The following BICC1 variants were observed in gnomAD, a reference collection of about 807,000 sequenced individuals.
BICC1 encodes BicC family RNA binding protein 1.
A neutral mutation model predicts 111.0 loss-of-function variants in BICC1; 43 were observed. That is an observed-to-expected ratio of 0.39 (90% CI 0.30 to 0.50). The LOEUF (loss-of-function observed/expected upper bound fraction) is 0.50. BICC1 is among the 20% of genes least tolerant of loss of function. The pLI is 0.88. For missense variants in BICC1, 1,091 were observed against 1,203.2 expected, an observed-to-expected ratio of 0.91 and a Z score of 1.38; for synonymous variants, 467 against 434.4, an observed-to-expected ratio of 1.07 and a Z score of -0.93.
chr10:58,573,999 G>A (rs539467639), intron 1 of BICC1, among the ~76,000 whole-genome samples: 21 of 152,170 alleles, frequency 1.4e-4, no homozygotes, highest in African/African-American at 4.8e-4. Flanking sequence ...AACTAACAAA[G>A]CCTCCGTTGT....
At chr10:58,783,037 G>A (rs1302726631) in intron 3 of BICC1, among the ~76,000 whole-genome samples, 1 of 152,086 alleles carries the variant, frequency 6.6e-6, no homozygotes, top group African/African-American at 2.4e-5. Flanking sequence ...TTGCTGTTAG[G>A]CCCCTCATTT....
At chr10:58,616,399 A>C (rs1443228623) in intron 1 of BICC1, among the ~76,000 whole-genome samples, 1 of 152,222 alleles carries the variant, frequency 6.6e-6, no homozygotes, top group Non-Finnish European at 1.5e-5. Context: ...GCAATTCCAG[A>C]AAATGCCCCA....
chr10:58,808,585 G>A (rs1418001643), intron 17 of BICC1, among the ~76,000 whole-genome samples: 1 of 152,182 alleles, frequency 6.6e-6, no homozygotes, highest in Non-Finnish European at 1.5e-5. Context: ...CCTCTGACCA[G>A]ATGTATAGCT....
At chr10:58,671,590 G>A (rs1564544450) in intron 2 of BICC1, among the ~76,000 whole-genome samples, 1 of 152,098 alleles carries the variant, frequency 6.6e-6, no homozygotes. Flanking sequence ...TAAAAATGGG[G>A]TTCCAATTGG....
chr10:58,828,611 A>G, intron 20 of BICC1, 150 bp from the exon 21 acceptor site: 1 of 672,626 alleles, frequency 1.5e-6, no homozygotes, highest in Non-Finnish European at 2.4e-6. Context: ...AAATGCCTTG[A>G]CCATCAACTA....
At chr10:58,762,624 C>G (rs770768849) in intron 3 of BICC1, among the ~76,000 whole-genome samples, 30 of 151,788 alleles carry the variant, frequency 2.0e-4, no homozygotes, top group Non-Finnish European at 3.7e-4. Flanking sequence ...GAATATCCAG[C>G]CTGTATGCTT....
chr10:58,628,116 A>C (rs1330350124), intron 2 of BICC1, among the ~76,000 whole-genome samples: 1 of 152,158 alleles, frequency 6.6e-6, no homozygotes, highest in African/African-American at 2.4e-5. Context: ...CGTGACTCTC[A>C]GTGGTGAGAT....
chr10:58,726,660 C>T (rs1020720102), intron 3 of BICC1, among the ~76,000 whole-genome samples: 2 of 152,190 alleles, frequency 1.3e-5, no homozygotes, highest in African/African-American at 2.4e-5. Flanking sequence ...TGTTAGGCCT[C>T]CATCCATCCT....
intron 3 of BICC1, among the ~76,000 whole-genome samples, chr10:58,762,230 C>G (rs1842335792): frequency 6.6e-6 from 1 of 151,964 alleles, no homozygotes; most frequent in African/African-American, 2.4e-5. Context: ...AATGTACAAA[C>G]AGAAAATCGA....
chr10:58,791,975 A>G (rs796726668), intron 8 of BICC1, among the ~76,000 whole-genome samples: 14 of 152,128 alleles, frequency 9.2e-5, no homozygotes, highest in African/African-American at 3.1e-4. Flanking sequence ...TAGTTTTAGT[A>G]GAGATGGGGT....
chr10:58,772,314 A>C (rs900668523), intron 3 of BICC1, among the ~76,000 whole-genome samples: 1 of 152,182 alleles, frequency 6.6e-6, no homozygotes, highest in Non-Finnish European at 1.5e-5. Context: ...GTTAAACAAC[A>C]ATTAGATTCA....
rs1230461301 is a variant in BICC1 at position 58,813,976 on chromosome 10, A to G, written c.2523A>G (p.Gln841=). The G allele has an allele frequency of 6.2e-7, 1 of 1,614,070 alleles. No homozygotes were observed. The highest frequency in any genetic ancestry group is 8.5e-7 in the Non-Finnish European group (1 of 1,179,944). The change falls in exon 18 of 21, where the codon CAA becomes CAG. Residue 841 remains glutamine, a synonymous_variant. Transcript: ENST00000373886. ...CTATTGGCAGCCCTAAGCGTAAACA[A>G]AACAAATCAAGTGAGCGTTGTGTTT... ...AASIGSPKRK[Q]NKSTEHYLSS...
chr10:58,549,894 C>T (rs1405579323), intron 1 of BICC1, among the ~76,000 whole-genome samples: 1 of 151,654 alleles, frequency 6.6e-6, no homozygotes, highest in African/African-American at 2.4e-5. Context: ...TACCATGTTG[C>T]CCAGACTGGT....
Position 58,512,893 on chromosome 10 carries a change from C to T in BICC1, c.-251C>T, listed in dbSNP as rs921697081. On this transcript the variant is annotated 5_prime_UTR_variant, in exon 1 of 21. Transcript: ENST00000373886. ...GCTCATTCCGCGCGGGCGTTGCTGG[C>T]GGGGGGCGGCGCAGCCACTGGACCC... Among the ~76,000 whole-genome samples the T allele has an allele frequency of 6.8e-6, 1 of 147,256 alleles. No homozygotes were observed. Among genetic ancestry groups the T allele is most frequent in the South Asian group, 2.1e-4 (1 of 4,790 alleles).
At chr10:58,705,469 T>C (rs1840361445) in intron 3 of BICC1, among the ~76,000 whole-genome samples, 1 of 152,242 alleles carries the variant, frequency 6.6e-6, no homozygotes, top group South Asian at 2.1e-4. Context: ...TCTGTGCCTG[T>C]GCTAAATGTT....
intron 2 of BICC1, among the ~76,000 whole-genome samples, chr10:58,671,388 A>G (rs1020141779): frequency 2.0e-5 from 3 of 152,148 alleles, no homozygotes; most frequent in Admixed American, 2.0e-4. Context: ...CCTTATCTTC[A>G]TAATCCAAGT....
In BICC1 at chr10:58,644,300, T is replaced by G. The variant is rs567019230; in HGVS notation, c.237+23399T>G. Among the ~76,000 whole-genome samples, 206 of 152,306 alleles carry G rather than the reference T, an allele frequency of 1.4e-3. 1 individual carries two copies. In the Middle Eastern group the frequency reaches 0.02, roughly 15 times the overall value. On this transcript the variant is annotated intron_variant, in intron 2 of 20. Transcript: ENST00000373886. Reference sequence around the variant, plus strand: ...TATTCTTATTTTAGAGAAAGAAAATTGGCTCAAAGACTTTGACTGACTTGG... The same window carrying G: ...TATTCTTATTTTAGAGAAAGAAAATGGGCTCAAAGACTTTGACTGACTTGG...
rs567382784 is a variant in BICC1, at chr10:58,660,299, CAAAT to C, written c.237+39401_237+39404del. ...AACAAGGCCACCTTCCCTTGTTTGT[CAAAT>C]AAGGAGAGTATAGTAATAGGGGACA... On this transcript the variant is annotated intron_variant, in intron 2 of 20. Transcript: ENST00000373886. Among the ~76,000 whole-genome samples, 8 of 152,226 alleles carry C rather than the reference CAAAT, an allele frequency of 5.3e-5. No individual in the cohort carries two copies. In the East Asian group the frequency reaches 1.5e-3, roughly 29 times the overall value.
At chr10:58,605,377 C>G (rs1052210086) in intron 1 of BICC1, among the ~76,000 whole-genome samples, 2 of 152,144 alleles carry the variant, frequency 1.3e-5, no homozygotes, top group African/African-American at 2.4e-5. Flanking sequence ...TGCATTCTCC[C>G]CATTCATTAC....
Sources: allele counts gnomAD v4.1 joint callset (sites outside exome capture counted in the v4.1 genomes callset), GRCh38; gene constraint gnomAD v4.1.1; transcripts MANE v1.5; gene names NCBI Gene and HGNC (gene_info 2026-07-23, HGNC 2026-07-21).